CRISPLD2: variants seen among roughly 807,000 people sequenced by gnomAD.
CRISPLD2 encodes cysteine rich secretory protein LCCL domain containing 2.
Under a neutral mutation model 71.1 loss-of-function variants are expected in CRISPLD2, and 47 were observed. That is an observed-to-expected ratio of 0.66 (90% confidence interval 0.52 to 0.84). CRISPLD2 has a LOEUF of 0.84. CRISPLD2 is among the 40% of genes least tolerant of loss of function. CRISPLD2 has a pLI of 0.00. For synonymous variants in CRISPLD2, 317 were observed against 250.1 expected (o/e 1.27, Z -2.52); for missense variants, 830 against 651.1 (o/e 1.27, Z -2.99).
intron 12 of CRISPLD2, among the ~76,000 whole-genome samples, chr16:84,878,013 A>C: frequency 7.0e-6 from 1 of 143,524 alleles, no homozygotes; most frequent in South Asian, 2.1e-4. Context: ...GATCGAGACC[A>C]TCCTGGCTAA....
At chr16:84,854,246 T>C (rs1917170558) in intron 5 of CRISPLD2, among the ~76,000 whole-genome samples, 1 of 152,098 alleles carries the variant, frequency 6.6e-6, no homozygotes, top group Admixed American at 6.5e-5. Flanking sequence ...TCCTGGGGTG[T>C]TGGGGAGATG....
chr16:84,849,339 G>T (rs1482853780), intron 3 of CRISPLD2, 46 bp from the exon 4 acceptor site: 1 of 1,563,852 alleles, frequency 6.4e-7, no homozygotes, highest in Non-Finnish European at 8.7e-7. Context: ...TCCACTGGTG[G>T]GTGAGGGGAG....
At position 84,850,167 on chromosome 16, in the gene CRISPLD2, C is replaced by T. The variant is rs145244361; in HGVS notation, c.493-401C>T. ...GTGCAGTGGCACGATCTTGGCTCAC[C>T]GCAACCTCTGCCTCCTGGGTTCAAG... On this transcript the variant is annotated intron_variant, in intron 4 of 14. Coordinates refer to ENST00000262424, the MANE Select transcript of CRISPLD2 (RefSeq NM_031476.4). 5.9e-3 allele frequency among the ~76,000 whole-genome samples: 899 copies of T among 151,650 alleles called. 6 individuals carry two copies. Among genetic ancestry groups the T allele is most frequent in the African/African-American group, 0.021 (863 of 41,322 alleles).
intron 14 of CRISPLD2, among the ~76,000 whole-genome samples, chr16:84,890,097 G>A (rs1004659653): frequency 5.9e-5 from 9 of 152,174 alleles, no homozygotes; most frequent in African/African-American, 9.6e-5. Context: ...GGTGGCTCAC[G>A]CCTGTAATCC....
chr16:84,848,587 T>C (rs917043556), intron 3 of CRISPLD2, among the ~76,000 whole-genome samples: 1 of 152,120 alleles, frequency 6.6e-6, no homozygotes, highest in Non-Finnish European at 1.5e-5. Flanking sequence ...ATTACAGGCA[T>C]GCACCACCTC....
At chr16:84,886,625 C>G (rs1261505516) in intron 13 of CRISPLD2, among the ~76,000 whole-genome samples, 3 of 152,152 alleles carry the variant, frequency 2.0e-5, no homozygotes, top group Non-Finnish European at 4.4e-5. Context: ...GAGTTTGAGA[C>G]CAGCCTGAGC....
chr16:84,876,421 G>C (rs1180998638), intron 11 of CRISPLD2, among the ~76,000 whole-genome samples: 1 of 152,066 alleles, frequency 6.6e-6, no homozygotes, highest in Non-Finnish European at 1.5e-5. Flanking sequence ...AGAATTGCCT[G>C]AACCCAGGAG....
In CRISPLD2 at chr16:84,895,231, CA is replaced by C. The variant is rs1392669788; in HGVS notation, c.1439+5869del. ...ACTTGCCCAAGGTCACCCAGCCTAC[CA>C]GGGGCAGAGCTGGGACTCAAACCTA... On this transcript the variant is annotated intron_variant, in intron 14 of 14. Coordinates refer to ENST00000262424, the MANE Select transcript of CRISPLD2 (RefSeq NM_031476.4). Among the ~76,000 whole-genome samples the C allele has an allele frequency of 3.9e-5, 6 of 152,152 alleles. No individual in the cohort carries two copies. In the East Asian group the frequency reaches 1.2e-3, roughly 29 times the overall value.
chr16:84,907,411 G>T lies in CRISPLD2; in HGVS notation c.*769G>T, dbSNP rs953805434. On this transcript the variant is annotated 3_prime_UTR_variant, in exon 15 of 15. Transcript: ENST00000262424. The stretch of plus-strand genomic sequence containing the variant: ...CACCTGTTTTCTGCCGTGACCTTTG[G>T]TCCCATTGAGGACTAAGGATCGGGA... 6.6e-6 allele frequency: 1 copy of T among 152,364 alleles called. No homozygotes were observed. The highest frequency in any genetic ancestry group is 1.5e-5 in the Non-Finnish European group (1 of 68,184). The allele number at this position is 152,364 out of a possible 1,614,324, so 9.4% of individuals were successfully genotyped here.
chr16:84,856,350 G>A (rs576190738), intron 6 of CRISPLD2, among the ~76,000 whole-genome samples: 1 of 152,296 alleles, frequency 6.6e-6, no homozygotes, highest in African/African-American at 2.4e-5. Context: ...ACTCACCCCA[G>A]CCAACACTGT....
intron 7 of CRISPLD2, 33 bp from the exon 8 acceptor site, chr16:84,868,818 G>T (rs778965515): frequency 6.3e-7 from 1 of 1,588,742 alleles, no homozygotes; most frequent in Non-Finnish European, 8.6e-7. Context: ...CTGGTTTCGT[G>T]CCGTGACATG....
intron 11 of CRISPLD2, among the ~76,000 whole-genome samples, chr16:84,875,563 T>C (rs1259985627): frequency 6.6e-6 from 1 of 150,648 alleles, no homozygotes; most frequent in African/African-American, 2.4e-5. Flanking sequence ...ATTTTTTATT[T>C]TGTTATTTTT....
chr16:84,862,342 A>G (rs1473296354), intron 6 of CRISPLD2, among the ~76,000 whole-genome samples: 4 of 152,058 alleles, frequency 2.6e-5, no homozygotes, highest in Non-Finnish European at 5.9e-5. Context: ...AGCTGGGACT[A>G]TAGGCACATG....
intron 13 of CRISPLD2, among the ~76,000 whole-genome samples, chr16:84,887,964 G>A (rs1424650574): frequency 6.6e-6 from 1 of 152,202 alleles, no homozygotes; most frequent in African/African-American, 2.4e-5. Context: ...CACCCACAGT[G>A]GGGGACATTT....
chr16:84,833,798 G>A (rs8055199), intron 1 of CRISPLD2, among the ~76,000 whole-genome samples: 97,458 of 151,916 alleles, frequency 0.64, 31,520 homozygotes, highest in Non-Finnish European at 0.65. Context: ...GGGGTGACAC[G>A]TTGGTGCCTT....
intron 11 of CRISPLD2, among the ~76,000 whole-genome samples, chr16:84,875,568 A>T (rs1205822787): frequency 6.7e-6 from 1 of 150,008 alleles, no homozygotes; most frequent in African/African-American, 2.5e-5. Flanking sequence ...TTATTTTGTT[A>T]TTTTTTGAGA....
At chr16:84,868,995 C>T in intron 8 of CRISPLD2, 84 bp downstream of exon 8, 1 of 1,170,086 alleles carries the variant, frequency 8.5e-7, no homozygotes. Context: ...TGGGCCTATG[C>T]TGGGCTGTCC....
chr16:84,894,180 C>T (rs2071686245), intron 14 of CRISPLD2, among the ~76,000 whole-genome samples: 1 of 152,108 alleles, frequency 6.6e-6, no homozygotes, highest in Non-Finnish European at 1.5e-5. Flanking sequence ...AGCACCTGCT[C>T]TCTCACCCCT....
chr16:84,891,026 C>G (rs895844544), intron 14 of CRISPLD2, among the ~76,000 whole-genome samples: 2 of 152,192 alleles, frequency 1.3e-5, no homozygotes, highest in African/African-American at 4.8e-5. Context: ...CTTGGCCTCC[C>G]AAAGTGCTGG....
Sources: gnomAD v4.1 joint callset for allele counts (sites outside exome capture counted in the v4.1 genomes callset) on GRCh38, gnomAD v4.1.1 for gene constraint, MANE v1.5 for transcripts, NCBI Gene and HGNC (gene_info 2026-07-23, HGNC 2026-07-21) for gene names.